NEMP2: variants seen among roughly 807,000 people sequenced by gnomAD.
The protein encoded by NEMP2 is nuclear envelope integral membrane protein 2, also known as UPF0571 transmembrane protein.
In NEMP2, 53 loss-of-function variants were observed where a neutral mutation model predicts 54.2. The observed-to-expected ratio is 0.98, with a 90% CI of 0.78 to 1.23. The LOEUF (loss-of-function observed/expected upper bound fraction) is 1.23, where lower values mean the gene tolerates loss of function less well. NEMP2 is among the 50% of genes most tolerant of loss of function. The pLI is 0.00. For synonymous variants in NEMP2, 197 were observed against 190.3 expected (o/e 1.04, Z -0.29); for missense variants, 455 against 511.3 (o/e 0.89, Z 1.06).
chr2:190,536,699 T>C (rs55754136), upstream of NEMP2, among the ~76,000 whole-genome samples: 43,107 of 152,012 alleles, frequency 0.28, 6,877 homozygotes, highest in East Asian at 0.46. Flanking sequence ...CAAACACTGC[T>C]AAAAGCTGAG....
At chr2:190,463,591 TAGG>T in the NEMP2 span, among the ~76,000 whole-genome samples, 1 of 152,146 alleles carries the variant, frequency 6.6e-6, no homozygotes, top group African/African-American at 2.4e-5. The surrounding 1 kb of genome is among the most constrained non-coding windows in gnomAD (Gnocchi z 4.4). Context: ...GAGGCTGAGA[TAGG>T]AGGATTGCTT....
chr2:190,499,913 G>C, downstream of NEMP2: 1 of 1,580,890 alleles, frequency 6.3e-7, no homozygotes, highest in Non-Finnish European at 8.6e-7. This position sits in a 1 kb window ranked among gnomAD's most constrained non-coding sequence, Gnocchi z 6.0. Context: ...GGCACTTCCG[G>C]ATGATCTCCC....
At chr2:190,459,475 G>A in the NEMP2 span, among the ~76,000 whole-genome samples, 2 of 152,116 alleles carry the variant, frequency 1.3e-5, no homozygotes, top group Non-Finnish European at 2.9e-5. This position sits in a 1 kb window ranked among gnomAD's most constrained non-coding sequence, Gnocchi z 5.3. Flanking sequence ...AAAATTGTAG[G>A]GGGTGTGTGT....
At chr2:190,428,650 CTTGCTTAT>C in the NEMP2 span, among the ~76,000 whole-genome samples, 58,094 of 131,144 alleles carry the variant, frequency 0.44, 12,495 homozygotes, top group African/African-American at 0.59. Flanking sequence ...TTTAGAGATG[CTTGCTTAT>C]TTATTTATTT....
chr2:190,643,023 G>GTTTTTTT, the NEMP2 span, among the ~76,000 whole-genome samples: 4 of 79,566 alleles, frequency 5.0e-5, no homozygotes, highest in Non-Finnish European at 7.0e-5. Flanking sequence ...AATGGTTAAG[G>GTTTTTTT]TTTTTTTTTT....
chr2:190,627,914 G>T, the NEMP2 span: 48 of 152,340 alleles, frequency 3.2e-4, no homozygotes, highest in African/African-American at 1.1e-3. The surrounding 1 kb of genome is among the most constrained non-coding windows in gnomAD (Gnocchi z 4.4). Flanking sequence ...TAAGCTGAGC[G>T]CAACAGACTG....
rs1691099174 is a variant in NEMP2 at position 190,530,322 on chromosome 2, G to C, written c.97+4237C>G. On this transcript the variant is annotated intron_variant, in intron 1 of 8. Coordinates refer to ENST00000409150, the MANE Select transcript of NEMP2 (RefSeq NM_001142645.2). This position sits in a 1 kb window ranked among gnomAD's most constrained non-coding sequence, Gnocchi z 4.6. ...TACACAATCCATGAGATTCCACAAA[G>C]TGTCAGTGCTTCATGGTGTCCTCTG... 6.6e-6 allele frequency among the ~76,000 whole-genome samples: 1 copy of C among 152,164 alleles called. No homozygotes were observed. The highest frequency in any genetic ancestry group is 2.4e-5 in the African/African-American group (1 of 41,432).
chr2:190,574,824 C>T, the NEMP2 span, among the ~76,000 whole-genome samples: 2 of 121,110 alleles, frequency 1.7e-5, no homozygotes, highest in Admixed American at 8.4e-5. Flanking sequence ...CCCTTCCCCC[C>T]TTTCTTTCCT....
At chr2:190,472,845 G>C in the NEMP2 span, among the ~76,000 whole-genome samples, 1 of 152,164 alleles carries the variant, frequency 6.6e-6, no homozygotes, top group African/African-American at 2.4e-5. Context: ...AGAAAGGTCG[G>C]GTTACCCACA....
At chr2:190,563,294 C>T in the NEMP2 span, among the ~76,000 whole-genome samples, 1 of 152,122 alleles carries the variant, frequency 6.6e-6, no homozygotes, top group Non-Finnish European at 1.5e-5. The surrounding 1 kb of genome is among the most constrained non-coding windows in gnomAD (Gnocchi z 4.3). Context: ...GACCCGGCAC[C>T]CACTCAACCA....
the NEMP2 span, among the ~76,000 whole-genome samples, chr2:190,596,724 G>C: frequency 6.6e-6 from 1 of 152,142 alleles, no homozygotes; most frequent in Admixed American, 6.5e-5. This position sits in a 1 kb window ranked among gnomAD's most constrained non-coding sequence, Gnocchi z 5.1. Context: ...CTATAAATTT[G>C]TGTATAATTC....
chr2:190,534,528 G>T, intron 1 of NEMP2, 31 bp downstream of exon 1: 1 of 1,378,644 alleles, frequency 7.3e-7, no homozygotes, highest in Middle Eastern at 2.7e-4. Flanking sequence ...GAGCACGCAC[G>T]CGCGCGCCGC....
the NEMP2 span, among the ~76,000 whole-genome samples, chr2:190,629,337 C>A: frequency 2.0e-5 from 3 of 152,036 alleles, no homozygotes; most frequent in Admixed American, 6.6e-5. Context: ...ATTTTTTGCA[C>A]CAAAATAAAC....
At chr2:190,516,058 T>C (rs1449850329) in intron 6 of NEMP2, among the ~76,000 whole-genome samples, 2 of 152,134 alleles carry the variant, frequency 1.3e-5, no homozygotes, top group East Asian at 3.8e-4. Flanking sequence ...CTAAGAAACA[T>C]GTCATAGGGA....
At chr2:190,449,808 G>GA in the NEMP2 span, among the ~76,000 whole-genome samples, 1 of 151,670 alleles carries the variant, frequency 6.6e-6, no homozygotes, top group Non-Finnish European at 1.5e-5. Flanking sequence ...GGTGGGAACT[G>GA]AACAATGAGA....
At chr2:190,560,182 G>A in the NEMP2 span, among the ~76,000 whole-genome samples, 1 of 152,188 alleles carries the variant, frequency 6.6e-6, no homozygotes, top group African/African-American at 2.4e-5. This position sits in a 1 kb window ranked among gnomAD's most constrained non-coding sequence, Gnocchi z 5.4. Flanking sequence ...CCTGGAAAGA[G>A]GACTGATTTA....
the NEMP2 span, among the ~76,000 whole-genome samples, chr2:190,600,513 T>A: frequency 2.0e-5 from 3 of 152,152 alleles, no homozygotes; most frequent in African/African-American, 7.2e-5. This position sits in a 1 kb window ranked among gnomAD's most constrained non-coding sequence, Gnocchi z 4.9. Flanking sequence ...TGTGGATTCT[T>A]TATGCAGGGA....
rs1241047677 is a variant in NEMP2, at chr2:190,530,662, C to T, written c.97+3897G>A. Among the ~76,000 whole-genome samples, 1 of 152,192 alleles carries T rather than the reference C, an allele frequency of 6.6e-6. No individual in the cohort carries two copies. Among genetic ancestry groups the T allele is most frequent in the Non-Finnish European group, 1.5e-5 (1 of 68,044 alleles). On this transcript the variant is annotated intron_variant, in intron 1 of 8. Transcript: ENST00000409150. This position sits in a 1 kb window ranked among gnomAD's most constrained non-coding sequence, Gnocchi z 4.6. Reference sequence around the variant, plus strand: ...CTTCTTCTAGAGCCATTTCACTGCTCGGTTTCAATCATGTCCAATGGAAAC... The same window carrying T: ...CTTCTTCTAGAGCCATTTCACTGCTTGGTTTCAATCATGTCCAATGGAAAC...
chr2:190,537,358 G>T (rs1169944524), upstream of NEMP2, among the ~76,000 whole-genome samples: 2 of 152,158 alleles, frequency 1.3e-5, no homozygotes, highest in Middle Eastern at 3.2e-3. Flanking sequence ...CACATCGTGG[G>T]AGGGACCCAG....
Sources: allele counts gnomAD v4.1 joint callset (sites outside exome capture counted in the v4.1 genomes callset), GRCh38; gene constraint gnomAD v4.1.1; non-coding constraint Gnocchi (gnomAD v3.1); transcripts MANE v1.5; gene names NCBI Gene and HGNC (gene_info 2026-07-23, HGNC 2026-07-21).